Variants in PARD3B observed in about 807,000 individuals in gnomAD.
PARD3B encodes the protein partitioning defective 3 homolog B.
In PARD3B, 103 loss-of-function variants were observed where a neutral mutation model predicts 130.2. The ratio of observed to expected loss-of-function variants is 0.79; its 90% CI spans 0.67 to 0.93. The LOEUF (loss-of-function observed/expected upper bound fraction) is 0.93. Among genes scored for constraint, PARD3B ranks in the 40% least tolerant of loss-of-function variants. PARD3B has a pLI of 0.00. For missense variants in PARD3B, 1,609 were observed against 1,499.2 expected (o/e 1.07, Z -1.21); for synonymous variants, 583 against 553.2 (o/e 1.05, Z -0.76).
At chr2:205,357,856 A>C (rs368013117) in intron 18 of PARD3B, among the ~76,000 whole-genome samples, 9 of 152,334 alleles carry the variant, frequency 5.9e-5, no homozygotes, top group African/African-American at 2.2e-4. Context: ...CAATAAAATA[A>C]GAAGGCATAG....
intron 22 of PARD3B, among the ~76,000 whole-genome samples, chr2:205,587,490 A>G (rs186722983): frequency 7.6e-4 from 115 of 152,272 alleles, no homozygotes; most frequent in African/African-American, 2.7e-3. Context: ...GGCCATCAGA[A>G]ATAGTTTATA....
chr2:204,985,551 C>T (rs990073598), intron 3 of PARD3B, among the ~76,000 whole-genome samples: 16 of 152,162 alleles, frequency 1.1e-4, no homozygotes, highest in Admixed American at 2.6e-4. Context: ...CACACATGAA[C>T]GTGGCTGGAA....
chr2:204,815,964 A>T (rs527550787), intron 2 of PARD3B, among the ~76,000 whole-genome samples: 1 of 151,956 alleles, frequency 6.6e-6, no homozygotes, highest in Admixed American at 6.6e-5. Context: ...ATTCGGTTAC[A>T]TTGGTTGATA....
At chr2:205,023,194 T>G (rs1559363742) in intron 3 of PARD3B, among the ~76,000 whole-genome samples, 1 of 152,152 alleles carries the variant, frequency 6.6e-6, no homozygotes, top group Non-Finnish European at 1.5e-5. Flanking sequence ...TGTGATCGCT[T>G]TCACAGAGAG....
chr2:205,608,497 G>T (rs1196549579), intron 22 of PARD3B, among the ~76,000 whole-genome samples: 1 of 152,164 alleles, frequency 6.6e-6, no homozygotes, highest in Non-Finnish European at 1.5e-5. Context: ...CGTTCAAATG[G>T]ATTGCATGAC....
Position 205,091,195 on chromosome 2 carries a change from T to C in PARD3B, c.505-13231T>C, listed in dbSNP as rs867711349. On this transcript the variant is annotated intron_variant, in intron 4 of 22. Transcript: ENST00000406610. The surrounding 1 kb of genome is among the most constrained non-coding windows in gnomAD (Gnocchi z 4.2). ...TTTCAACCCCAAAGTAGCCAACAAATGGAATAGAAGTTAAGAACATAAGAC... is the reference window on the plus strand; with the variant it reads ...TTTCAACCCCAAAGTAGCCAACAAACGGAATAGAAGTTAAGAACATAAGAC... Among the ~76,000 whole-genome samples, 7 of 152,226 alleles carry C rather than the reference T, an allele frequency of 4.6e-5. No homozygotes were observed. Among genetic ancestry groups the C allele is most frequent in the South Asian group, 4.1e-4 (2 of 4,824 alleles).
chr2:205,521,890 A>G (rs1055216972), intron 21 of PARD3B, among the ~76,000 whole-genome samples: 5 of 152,076 alleles, frequency 3.3e-5, no homozygotes, highest in African/African-American at 1.2e-4. Context: ...CTTTGTAAAG[A>G]TTTTAAATAA....
chr2:204,717,837 T>C (rs2038804904), intron 2 of PARD3B, among the ~76,000 whole-genome samples: 1 of 152,272 alleles, frequency 6.6e-6, no homozygotes, highest in Admixed American at 6.5e-5. Flanking sequence ...TGGCTGCTTG[T>C]CAGTCACTGA....
chr2:205,147,525 A>G (rs1394681544), intron 10 of PARD3B, among the ~76,000 whole-genome samples: 3 of 152,132 alleles, frequency 2.0e-5, no homozygotes, highest in Non-Finnish European at 4.4e-5. Flanking sequence ...ACTTAAAGAA[A>G]ATTGGTTTTT....
At chr2:204,781,355 T>C (rs2041830609) in intron 2 of PARD3B, among the ~76,000 whole-genome samples, 2 of 152,140 alleles carry the variant, frequency 1.3e-5, no homozygotes, top group Non-Finnish European at 2.9e-5. Flanking sequence ...AAGGTTCAAC[T>C]TAATTCTGTT....
At chr2:205,385,719 G>C (rs1574882185) in intron 18 of PARD3B, among the ~76,000 whole-genome samples, 1 of 152,028 alleles carries the variant, frequency 6.6e-6, no homozygotes, top group East Asian at 1.9e-4. Flanking sequence ...CTCAACATTA[G>C]TTGAGGCCTA....
intron 11 of PARD3B, 51 bp from the exon 12 acceptor site, chr2:205,172,160 C>T (rs2035208184): frequency 6.4e-7 from 1 of 1,561,832 alleles, no homozygotes; most frequent in African/African-American, 1.4e-5. Context: ...CGCCACATGT[C>T]ATCACCATAC....
chr2:205,383,109 T>TAGATAGATAGATAGAG (rs1553500319), intron 18 of PARD3B, among the ~76,000 whole-genome samples: 264 of 144,986 alleles, frequency 1.8e-3, no homozygotes, highest in Non-Finnish European at 3.2e-3. Context: ...GATAGATAGA[T>TAGATAGATAGATAGAG]AGATAGATAG....
At chr2:205,614,577 G>T (rs1206795959) in intron 22 of PARD3B, among the ~76,000 whole-genome samples, 1 of 151,984 alleles carries the variant, frequency 6.6e-6, no homozygotes, top group Admixed American at 6.6e-5. Context: ...GTAGTGGTGG[G>T]CACCTGTAGT....
chr2:204,571,977 C>G (rs1433667310), intron 1 of PARD3B, among the ~76,000 whole-genome samples: 1 of 152,100 alleles, frequency 6.6e-6, no homozygotes, highest in Non-Finnish European at 1.5e-5. Flanking sequence ...GGAGTGGATT[C>G]ATAACCGTGT....
At chr2:204,997,793 G>T (rs111702912) in intron 3 of PARD3B, among the ~76,000 whole-genome samples, 1,558 of 151,166 alleles carry the variant, frequency 0.01, 18 homozygotes, top group East Asian at 0.044. Context: ...TCTTAATGAA[G>T]ACTAGTTCAT....
At chr2:205,178,706 AC>A (rs2035624143) in intron 13 of PARD3B, among the ~76,000 whole-genome samples, 1 of 152,230 alleles carries the variant, frequency 6.6e-6, no homozygotes, top group Non-Finnish European at 1.5e-5. Flanking sequence ...ATTCCTAGTT[AC>A]ACCAGTGACA....
At chr2:205,323,061 C>A (rs1231668108) in intron 18 of PARD3B, among the ~76,000 whole-genome samples, 2 of 151,548 alleles carry the variant, frequency 1.3e-5, no homozygotes, top group African/African-American at 2.4e-5. Flanking sequence ...CAGGCGCCCA[C>A]CACCAAGCCC....
chr2:205,012,101 G>C (rs1279709031), intron 3 of PARD3B, among the ~76,000 whole-genome samples: 1 of 152,130 alleles, frequency 6.6e-6, no homozygotes, highest in African/African-American at 2.4e-5. Context: ...CCCTACCTCT[G>C]TAGGATGTCA....
Sources: allele counts gnomAD v4.1 joint callset (sites outside exome capture counted in the v4.1 genomes callset), GRCh38; gene constraint gnomAD v4.1.1; non-coding constraint Gnocchi (gnomAD v3.1); transcripts MANE v1.5; gene names NCBI Gene and HGNC (gene_info 2026-07-23, HGNC 2026-07-21).